Variants in SUGCT observed in about 807,000 individuals in gnomAD.
SUGCT encodes succinyl-CoA:glutarate CoA-transferase.
A neutral mutation model predicts 55.0 loss-of-function variants in SUGCT; 41 were observed. That is an observed-to-expected ratio of 0.74 (90% CI 0.58 to 0.97). The LOEUF is 0.97. SUGCT is among the 50% of genes least tolerant of loss of function. SUGCT has a pLI of 0.00. For synonymous variants in SUGCT, 187 were observed against 200.4 expected, an observed-to-expected ratio of 0.93 and a Z score of 0.56; for missense variants, 568 against 547.8, an observed-to-expected ratio of 1.04 and a Z score of -0.37.
At chr7:40,870,554 A>G in the SUGCT span, among the ~76,000 whole-genome samples, 1 of 152,242 alleles carries the variant, frequency 6.6e-6, no homozygotes, top group Non-Finnish European at 1.5e-5. Context: ...TAACATTTAC[A>G]GATTTCAGGG....
chr7:40,880,296 A>G, the SUGCT span, among the ~76,000 whole-genome samples: 3 of 152,198 alleles, frequency 2.0e-5, no homozygotes, highest in Admixed American at 6.5e-5. Flanking sequence ...TATTCAGGCA[A>G]GAGTACTTCA....
intron 9 of SUGCT, among the ~76,000 whole-genome samples, 188 bp from the exon 10 acceptor site, chr7:40,449,099 G>GTA (rs1194866104): frequency 2.0e-5 from 3 of 151,596 alleles, no homozygotes; most frequent in South Asian, 2.1e-4. Flanking sequence ...TAGTTAGTGT[G>GTA]TATATATATA....
chr7:40,680,550 A>C (rs548046845), intron 12 of SUGCT, among the ~76,000 whole-genome samples: 3 of 152,254 alleles, frequency 2.0e-5, no homozygotes, highest in African/African-American at 7.2e-5. Context: ...CCCAGGGTGC[A>C]TTCTCTTGTC....
intron 8 of SUGCT, among the ~76,000 whole-genome samples, chr7:40,299,349 G>A (rs1218223575): frequency 1.3e-5 from 2 of 152,180 alleles, no homozygotes; most frequent in African/African-American, 2.4e-5. Context: ...TCCCAGTGCA[G>A]TGGTGTGCTG....
chr7:40,151,243 A>G (rs1279755486), intron 1 of SUGCT, among the ~76,000 whole-genome samples: 1 of 152,224 alleles, frequency 6.6e-6, no homozygotes, highest in Non-Finnish European at 1.5e-5. Flanking sequence ...CGTCTCTAAA[A>G]ACAAAACAAA....
intron 12 of SUGCT, among the ~76,000 whole-genome samples, chr7:40,528,072 G>A (rs1457809532): frequency 6.6e-6 from 1 of 152,134 alleles, no homozygotes; most frequent in Non-Finnish European, 1.5e-5. Flanking sequence ...TGAGAAAGCA[G>A]CTTAGCCTTT....
intron 7 of SUGCT, among the ~76,000 whole-genome samples, chr7:40,266,748 G>T (rs1196839309): frequency 6.6e-6 from 1 of 152,118 alleles, no homozygotes; most frequent in East Asian, 1.9e-4. Flanking sequence ...TGGGCATGAT[G>T]GCTCACGCCT....
intron 12 of SUGCT, chr7:40,499,198 T>C: frequency 2.2e-6 from 1 of 445,520 alleles, no homozygotes; most frequent in Non-Finnish European, 4.5e-6. Context: ...GTACAAGGCC[T>C]GGAACATGGC....
chr7:40,517,209 T>G (rs1231089726), intron 12 of SUGCT, among the ~76,000 whole-genome samples: 1 of 151,224 alleles, frequency 6.6e-6, no homozygotes, highest in African/African-American at 2.5e-5. Flanking sequence ...CTAAACTCAC[T>G]TATTAGTTCC....
chr7:40,683,496 A>G (rs1270188862), intron 12 of SUGCT, among the ~76,000 whole-genome samples: 1 of 152,168 alleles, frequency 6.6e-6, no homozygotes, highest in African/African-American at 2.4e-5. Flanking sequence ...CATTTGAGAA[A>G]TGGCTCCAGT....
intron 13 of SUGCT, among the ~76,000 whole-genome samples, chr7:40,807,105 A>G (rs1791143068): frequency 6.6e-6 from 1 of 152,250 alleles, no homozygotes; most frequent in African/African-American, 2.4e-5. Flanking sequence ...TAGTGGTAGT[A>G]GTAGCAGTAG....
chr7:40,511,107 G>A (rs892137471), intron 12 of SUGCT, among the ~76,000 whole-genome samples: 4 of 152,064 alleles, frequency 2.6e-5, no homozygotes, highest in East Asian at 1.9e-4. Context: ...TTCCATCATC[G>A]TCATTACAGA....
At chr7:40,415,595 T>C (rs1258354304) in intron 9 of SUGCT, among the ~76,000 whole-genome samples, 1 of 151,964 alleles carries the variant, frequency 6.6e-6, no homozygotes, top group African/African-American at 2.4e-5. Context: ...GAGTAAAAAG[T>C]CTCCCCCAAA....
the SUGCT span, among the ~76,000 whole-genome samples, chr7:40,981,862 G>A: frequency 2.6e-5 from 4 of 152,194 alleles, no homozygotes; most frequent in South Asian, 6.2e-4. Flanking sequence ...CATATTTCTA[G>A]CATACATCTC....
chr7:40,298,781 T>G (rs963294668), intron 8 of SUGCT, among the ~76,000 whole-genome samples: 1 of 152,014 alleles, frequency 6.6e-6, no homozygotes, highest in Non-Finnish European at 1.5e-5. Context: ...CCGTCAAATA[T>G]CTGTATAAGG....
the SUGCT span, among the ~76,000 whole-genome samples, chr7:40,903,740 CT>C: frequency 5.9e-5 from 9 of 152,176 alleles, no homozygotes; most frequent in Non-Finnish European, 1.3e-4. Context: ...CAGCAGGAAA[CT>C]GTCATTCTCT....
intron 13 of SUGCT, among the ~76,000 whole-genome samples, chr7:40,787,660 CAAAAAAAAA>C (rs55764379): frequency 3.5e-3 from 168 of 48,452 alleles, no homozygotes; most frequent in African/African-American, 9.4e-3. Context: ...AAATTTTGAC[CAAAAAAAAA>C]AAAAAAAAAA....
At chr7:40,730,064 G>C (rs1393184678) in intron 12 of SUGCT, among the ~76,000 whole-genome samples, 2 of 152,116 alleles carry the variant, frequency 1.3e-5, no homozygotes, top group Non-Finnish European at 2.9e-5. Context: ...TGAAGCAGGG[G>C]AATGACGTGG....
chr7:40,562,681 C>T (rs563268155), intron 12 of SUGCT, among the ~76,000 whole-genome samples: 3 of 152,008 alleles, frequency 2.0e-5, no homozygotes, highest in Non-Finnish European at 4.4e-5. Flanking sequence ...TGACCTAAAT[C>T]GTTACAGTGG....
Sources: gnomAD v4.1 joint callset for allele counts (sites outside exome capture counted in the v4.1 genomes callset) on GRCh38, gnomAD v4.1.1 for gene constraint, MANE v1.5 for transcripts, NCBI Gene and HGNC (gene_info 2026-07-23, HGNC 2026-07-21) for gene names.